Variants in BCL2L13 observed in about 807,000 individuals in gnomAD.
BCL2L13 encodes bcl-2-like protein 13.
A neutral mutation model predicts 25.8 loss-of-function variants in BCL2L13; 13 were observed. The ratio of observed to expected loss-of-function variants is 0.50; its 90% CI spans 0.33 to 0.80. The LOEUF (loss-of-function observed/expected upper bound fraction) is 0.80, where lower values mean the gene tolerates loss of function less well. BCL2L13 is among the 30% of genes least tolerant of loss of function. BCL2L13 has a pLI of 0.02. For synonymous variants in BCL2L13, 244 were observed against 230.3 expected (o/e 1.06, Z -0.54); for missense variants, 504 against 574.9 (o/e 0.88, Z 1.26).
chr22:17,671,057 G>A (rs913308483), intron 2 of BCL2L13, among the ~76,000 whole-genome samples: 6 of 151,962 alleles, frequency 3.9e-5, no homozygotes, highest in Non-Finnish European at 7.4e-5. Flanking sequence ...TCAAGAGATC[G>A]AGACCATCCT....
Position 17,631,662 on chromosome 22 carries a change from GTGTGTGTGTATATA to G in BCL2L13, c.-650+2659_-650+2672del, listed in dbSNP as rs1468491062. On this transcript the variant is annotated intron_variant, in intron 1 of 6. Transcript: ENST00000399782. ...GAATGGTACGTGTGTGTATGTATGT[GTGTGTGTGTATATA>G]TATATATATATATATATATATATAT... Among the ~76,000 whole-genome samples the G allele has an allele frequency of 7.4e-3, 237 of 32,126 alleles. 9 individuals carry two copies. Among genetic ancestry groups the G allele is most frequent in the Middle Eastern group, 0.019 (1 of 52 alleles). 21.1% of individuals were successfully genotyped at this position (32,126 alleles called of 152,430 possible). A position where few individuals can be genotyped will look rare whatever the true frequency, so the allele number is the denominator to read the frequency against.
At chr22:17,628,899 C>T (rs2057944634), upstream of BCL2L13, 1 of 535,234 alleles carries the variant, frequency 1.9e-6, no homozygotes, top group Non-Finnish European at 3.4e-6. Context: ...TGACTCGTGA[C>T]CTGACCGGTA....
chr22:17,726,668 C>T lies in BCL2L13; in HGVS notation c.601-9C>T, dbSNP rs1283164522. 2 of 1,598,846 alleles carry T rather than the reference C, an allele frequency of 1.3e-6. No homozygotes were observed. Among genetic ancestry groups the T allele is most frequent in the Non-Finnish European group, 1.7e-6 (2 of 1,169,580 alleles). ...TTCTTTATTATTGACGCTTGTCCTTCGTTTCTAGGGCACTGTGTTTAGTCT... is the reference window on the plus strand; with the variant it reads ...TTCTTTATTATTGACGCTTGTCCTTTGTTTCTAGGGCACTGTGTTTAGTCT... On this transcript the variant is annotated splice_polypyrimidine_tract_variant and intron_variant, in intron 6 of 6. Transcript: ENST00000317582.
intron 2 of BCL2L13, among the ~76,000 whole-genome samples, chr22:17,669,591 G>A (rs938542005): frequency 1.6e-4 from 25 of 152,156 alleles, no homozygotes; most frequent in South Asian, 4.1e-4. Context: ...ATGCACTCCC[G>A]TGACCCAAAC....
rs1221189646 is a variant in BCL2L13, at chr22:17,702,350, C to T, written c.564C>T (p.Asp188=). The T allele has an allele frequency of 1.1e-5, 17 of 1,610,988 alleles. No homozygotes were observed. The highest frequency in any genetic ancestry group is 1.4e-5 in the Non-Finnish European group (16 of 1,178,510). ...LLQFGVTYLE[D]YSAEYIIQQG... ...AGTTTGGCGTGACATACCTGGAGGA[C>T]TATTCGGCAGAGTACATCATTCAGC... The change falls in exon 6 of 7, where the codon GAC becomes GAT. Residue 188 remains aspartate, a synonymous_variant. Coordinates refer to ENST00000317582, the MANE Select transcript of BCL2L13 (RefSeq NM_015367.4).
At chr22:17,677,410 A>C (rs1390736408) in intron 2 of BCL2L13, among the ~76,000 whole-genome samples, 1 of 152,188 alleles carries the variant, frequency 6.6e-6, no homozygotes, top group Non-Finnish European at 1.5e-5. Flanking sequence ...CCATCTGAGA[A>C]TTTGGGATTC....
intron 1 of BCL2L13, among the ~76,000 whole-genome samples, chr22:17,643,815 G>A (rs542993296): frequency 5.3e-4 from 80 of 151,632 alleles, no homozygotes; most frequent in Admixed American, 9.2e-4. Flanking sequence ...GGGTTTCACC[G>A]TGTTAGCCAG....
rs1305362750 is a variant in BCL2L13, at chr22:17,726,948, G to A, written c.872G>A (p.Ser291Asn). The change falls in exon 7 of 7, where the codon AGC becomes AAC. Residue 291 changes from serine (S) to asparagine (N), a missense_variant. Physicochemically the swap from Ser to Asn is conservative, Grantham distance 46. Transcript: ENST00000317582. The stretch of plus-strand genomic sequence containing the variant: ...CCTGAAGAAGTGAAAAGCTTAGACA[G>A]CAACGGAGCTGGAGAGAAGAGTGAG... ...MDPEEVKSLD[S>N]NGAGEKSENN... is the part of the protein sequence containing the mutation. 1 of 1,614,216 alleles carries A rather than the reference G, an allele frequency of 6.2e-7. No homozygotes were observed. The highest frequency in any genetic ancestry group is 8.5e-7 in the Non-Finnish European group (1 of 1,180,046).
intron 2 of BCL2L13, 60 bp downstream of exon 2, chr22:17,655,892 G>C: frequency 6.9e-7 from 1 of 1,448,234 alleles, no homozygotes; most frequent in Non-Finnish European, 9.4e-7. Flanking sequence ...ATATATAAAA[G>C]TATATGTATC....
At chr22:17,700,194 G>C (rs983777215) in intron 5 of BCL2L13, among the ~76,000 whole-genome samples, 1 of 152,098 alleles carries the variant, frequency 6.6e-6, no homozygotes, top group Admixed American at 6.6e-5. Context: ...GTGATCAAAT[G>C]GATCACTTTG....
Position 17,692,964 on chromosome 22 carries a change from C to T in BCL2L13, c.387-3177C>T, listed in dbSNP as rs376049889. On this transcript the variant is annotated intron_variant, in intron 4 of 6. Transcript: ENST00000317582. ...ATTGAAATCTAGTGTGTATATTATA[C>T]TTTCAGCACACTGGCCACGTTTCTA... Among the ~76,000 whole-genome samples, 557 of 151,978 alleles carry T rather than the reference C, an allele frequency of 3.7e-3. 4 individuals are homozygous for T. Among genetic ancestry groups the T allele is most frequent in the African/African-American group, 0.013 (524 of 41,456 alleles).
intron 1 of BCL2L13, among the ~76,000 whole-genome samples, chr22:17,641,531 AT>A (rs1568916250): frequency 1.3e-5 from 2 of 152,136 alleles, no homozygotes; most frequent in South Asian, 2.1e-4. Context: ...GGAGTAGCTG[AT>A]TTTTTTTAAC....
Position 17,643,444 on chromosome 22 carries a change from A to G in BCL2L13, c.-51+4558A>G, listed in dbSNP as rs1436541702. Reference sequence around the variant, plus strand: ...TTAGAATTATTTTACTCTCTTTCAGAGAAAGTCTTACAATTCAATAGGAGC... The same window carrying G: ...TTAGAATTATTTTACTCTCTTTCAGGGAAAGTCTTACAATTCAATAGGAGC... On this transcript the variant is annotated intron_variant, in intron 1 of 6. Coordinates refer to ENST00000317582, the MANE Select transcript of BCL2L13 (RefSeq NM_015367.4). 5.3e-5 allele frequency among the ~76,000 whole-genome samples: 8 copies of G among 151,934 alleles called. No individual in the cohort carries two copies. In the South Asian group the frequency reaches 8.3e-4, roughly 16 times the overall value.
In BCL2L13 at chr22:17,638,821, G is replaced by A. The variant is rs1004733124; in HGVS notation, c.-116G>A. On this transcript the variant is annotated 5_prime_UTR_variant, in exon 1 of 7. Coordinates refer to ENST00000317582, the MANE Select transcript of BCL2L13 (RefSeq NM_015367.4). ...GTCGGAGCACTCACCGCCGCTGGGG[G>A]ACCCTGTCGGAAGCAACTGCCGCCG... The A allele has an allele frequency of 3.1e-5, 38 of 1,231,892 alleles. No individual in the cohort carries two copies. The highest frequency in any genetic ancestry group is 2.1e-4 in the Admixed American group (5 of 23,704). 76.3% of individuals were successfully genotyped at this position (1,231,892 alleles called of 1,614,324 possible). A position where few individuals can be genotyped will look rare whatever the true frequency, so the allele number is the denominator to read the frequency against.
At position 17,702,595 on chromosome 22, in the gene BCL2L13, G is replaced by A. The variant is rs2060471144; in HGVS notation, c.600+209G>A. On this transcript the variant is annotated intron_variant, in intron 6 of 6. Transcript: ENST00000317582. ...GCCAAGAGCACAGGCTGGGACTATA[G>A]GTGCCCACCACTGTGCCGTGCTCTA... is the stretch of plus-strand genomic sequence containing the variant. 7.3e-5 allele frequency: 30 copies of A among 411,208 alleles called. No individual in the cohort carries two copies. In the East Asian group the frequency reaches 1.2e-3, roughly 16 times the overall value. 25.5% of individuals were successfully genotyped at this position (411,208 alleles called of 1,614,324 possible).
At chr22:17,710,897 A>AAAAT (rs1280389924) in intron 6 of BCL2L13, among the ~76,000 whole-genome samples, 1 of 152,104 alleles carries the variant, frequency 6.6e-6, no homozygotes, top group African/African-American at 2.4e-5. Context: ...AAAATAAAAA[A>AAAAT]AAATAAATAA....
intron 1 of BCL2L13, among the ~76,000 whole-genome samples, chr22:17,639,852 CTTTCTTT>C (rs2058207125): frequency 7.0e-6 from 1 of 143,678 alleles, no homozygotes; most frequent in Non-Finnish European, 1.5e-5. Context: ...CAGATACCTT[CTTTCTTT>C]TTTTTTTTTT....
intron 4 of BCL2L13, among the ~76,000 whole-genome samples, chr22:17,693,769 T>C (rs1389774153): frequency 2.6e-5 from 4 of 151,816 alleles, no homozygotes; most frequent in African/African-American, 9.7e-5. Flanking sequence ...GGAGTTTCGC[T>C]CTTGTTGCCC....
chr22:17,646,949 ATATATATTTTTTTTT>A (rs1336265078), intron 1 of BCL2L13, among the ~76,000 whole-genome samples: 4 of 22,976 alleles, frequency 1.7e-4, no homozygotes, highest in African/African-American at 5.4e-4. Context: ...ATATATATAT[ATATATATTTTTTTTT>A]TTTTTTTTTT....
Sources: allele counts gnomAD v4.1 joint callset (sites outside exome capture counted in the v4.1 genomes callset), GRCh38; gene constraint gnomAD v4.1.1; transcripts MANE v1.5; gene names NCBI Gene and HGNC (gene_info 2026-07-23, HGNC 2026-07-21).